The following KCND3 variants were observed in gnomAD, a reference collection of about 807,000 sequenced individuals.
The protein encoded by KCND3 is potassium voltage-gated channel subfamily D member 3, also known as A-type voltage-gated potassium channel KCND3.
In KCND3, 9 loss-of-function variants were observed where a neutral mutation model predicts 51.1. The observed-to-expected ratio is 0.18, with a 90% CI of 0.11 to 0.31. The LOEUF (loss-of-function observed/expected upper bound fraction) is 0.31. KCND3 is among the 10% of genes least tolerant of loss of function. KCND3 has a pLI of 1.00. For missense variants in KCND3, 526 were observed against 903.8 expected, an observed-to-expected ratio of 0.58 and a Z score of 5.36; for synonymous variants, 349 against 368.0, an observed-to-expected ratio of 0.95 and a Z score of 0.59.
At chr1:111,910,861 A>C (rs943399545) in intron 2 of KCND3, 3 of 152,244 alleles carry the variant, frequency 2.0e-5, no homozygotes, top group Admixed American at 2.0e-4. Flanking sequence ...ACAGAAAGAA[A>C]GGGAATGAGA....
At chr1:111,832,963 G>T (rs1257270360) in intron 2 of KCND3, among the ~76,000 whole-genome samples, 1 of 152,218 alleles carries the variant, frequency 6.6e-6, no homozygotes. Context: ...AGTTTCAGGG[G>T]CAGGTGGGAA....
intron 2 of KCND3, among the ~76,000 whole-genome samples, chr1:111,889,860 C>G (rs1669748444): frequency 6.6e-6 from 1 of 152,112 alleles, no homozygotes; most frequent in South Asian, 2.1e-4. Context: ...AGGGTAGCTT[C>G]CTTCAGGGGT....
chr1:111,809,709 G>A lies in KCND3; in HGVS notation c.1107-22603C>T, dbSNP rs142108655. 4.5e-3 allele frequency among the ~76,000 whole-genome samples: 678 copies of A among 152,306 alleles called. 3 individuals carry two copies. Among genetic ancestry groups the A allele is most frequent in the Middle Eastern group, 0.031 (9 of 294 alleles). On this transcript the variant is annotated intron_variant, in intron 2 of 7. Coordinates refer to ENST00000302127, the MANE Select transcript of KCND3 (RefSeq NM_001378969.1). The stretch of plus-strand genomic sequence containing the variant: ...TGTGCACGCCTGCAAATGCTTGCAT[G>A]CATGCACCAACCCACTCATTTGATC...
chr1:111,814,431 T>G (rs554036274), intron 2 of KCND3, among the ~76,000 whole-genome samples: 1 of 152,320 alleles, frequency 6.6e-6, no homozygotes, highest in Non-Finnish European at 1.5e-5. Context: ...GAGAATCCAC[T>G]ATAAGTAACA....
intron 2 of KCND3, among the ~76,000 whole-genome samples, chr1:111,857,561 C>G (rs1316184392): frequency 6.6e-6 from 1 of 152,074 alleles, no homozygotes; most frequent in African/African-American, 2.4e-5. Context: ...GTGATTGTTG[C>G]CTCCTCAGCA....
chr1:111,778,606 A>T (rs1278537187), intron 5 of KCND3, 114 bp from the exon 6 acceptor site: 3 of 993,286 alleles, frequency 3.0e-6, no homozygotes, highest in Non-Finnish European at 4.8e-6. Context: ...CCTTTGAGTC[A>T]AACATTCCAC....
intron 2 of KCND3, among the ~76,000 whole-genome samples, chr1:111,852,573 T>G (rs1667870493): frequency 6.6e-6 from 1 of 152,100 alleles, no homozygotes; most frequent in African/African-American, 2.4e-5. Flanking sequence ...ATCGAATCCA[T>G]AATCCAGACA....
At position 111,780,010 on chromosome 1, in the gene KCND3, T is replaced by C. The variant is rs551328437; in HGVS notation, c.1461+215A>G. Among the ~76,000 whole-genome samples the C allele has an allele frequency of 6.6e-6, 1 of 152,342 alleles. No individual in the cohort carries two copies. Among genetic ancestry groups the C allele is most frequent in the East Asian group, 1.9e-4 (1 of 5,182 alleles). ...GTGGGAGGCTGGGGGAATGGCCTCC[T>C]CAATGCTCCTGCAGGACAGAGCTGG... On this transcript the variant is annotated intron_variant, in intron 5 of 7. Coordinates refer to ENST00000302127, the MANE Select transcript of KCND3 (RefSeq NM_001378969.1). This position sits in a 1 kb window ranked among gnomAD's most constrained non-coding sequence, Gnocchi z 4.2.
chr1:111,812,331 GAAATGCAA>G (rs1364358319), intron 2 of KCND3, among the ~76,000 whole-genome samples: 1 of 152,148 alleles, frequency 6.6e-6, no homozygotes. Context: ...GGAATTAGGG[GAAATGCAA>G]AAATGATGGT....
intron 2 of KCND3, among the ~76,000 whole-genome samples, chr1:111,976,298 T>G (rs1259973393): frequency 6.6e-6 from 1 of 152,074 alleles, no homozygotes; most frequent in Non-Finnish European, 1.5e-5. Context: ...GAGGCAAACT[T>G]CCCTTGCAAG....
At chr1:111,799,030 A>C (rs1665177411) in intron 2 of KCND3, among the ~76,000 whole-genome samples, 1 of 152,112 alleles carries the variant, frequency 6.6e-6, no homozygotes, top group African/African-American at 2.4e-5. Context: ...GGGAGATGGA[A>C]CCTTGGGCTA....
At chr1:111,978,530 G>C (rs1380915936) in intron 2 of KCND3, among the ~76,000 whole-genome samples, 1 of 152,172 alleles carries the variant, frequency 6.6e-6, no homozygotes, top group Non-Finnish European at 1.5e-5. Flanking sequence ...CCATGAATGT[G>C]GTCAGGACAG....
rs1322858602 is a variant in KCND3, at chr1:111,982,172, G to A, written c.555C>T (p.Phe185=). 6.2e-7 allele frequency: 1 copy of A among 1,614,090 alleles called. No individual in the cohort carries two copies. The highest frequency in any genetic ancestry group is 2.2e-5 in the East Asian group (1 of 44,812). ...CGATGAAGAAGCCAGTCACGTAGTA[G>A]AAGACCAGGGCCAGCGTGCTGGTGT... The part of the protein sequence containing the change: ...NPHTSTLALV[F]YYVTGFFIAV... The change falls in exon 2 of 8, where the codon TTC becomes TTT. Residue 185 remains phenylalanine (F), a synonymous_variant. Transcript: ENST00000302127. This position sits in a 1 kb window ranked among gnomAD's most constrained non-coding sequence, Gnocchi z 8.5.
chr1:111,821,946 G>A (rs1366080906), intron 2 of KCND3, among the ~76,000 whole-genome samples: 7 of 152,132 alleles, frequency 4.6e-5, no homozygotes, highest in Non-Finnish European at 8.8e-5. Context: ...TGTGAGTAAT[G>A]GGGGCTCTTT....
At chr1:111,893,049 T>C (rs1251510539) in intron 2 of KCND3, among the ~76,000 whole-genome samples, 1 of 152,254 alleles carries the variant, frequency 6.6e-6, no homozygotes, top group East Asian at 1.9e-4. Context: ...TGTCAACAGA[T>C]GCTTATTGAG....
chr1:111,880,912 G>C (rs1006502855), intron 2 of KCND3, among the ~76,000 whole-genome samples: 1 of 152,004 alleles, frequency 6.6e-6, no homozygotes, highest in Non-Finnish European at 1.5e-5. Flanking sequence ...CTCTCGGTCC[G>C]TCCCAGCCCC....
chr1:111,982,105 C>G lies in KCND3; in HGVS notation c.622G>C (p.Gly208Arg). The change falls in exon 2 of 8, where the codon GGC becomes CGC. Residue 208 changes from glycine to arginine, a missense_variant. This residue lies in a region of KCND3 where 51 missense variants were observed against 84.7 expected (regional missense o/e 0.60). Coordinates refer to ENST00000302127, the MANE Select transcript of KCND3 (RefSeq NM_001378969.1). This position sits in a 1 kb window ranked among gnomAD's most constrained non-coding sequence, Gnocchi z 8.5. ...ITNVVETVPC[G>R]TVPGSKELPC... ...AGCTCCTTGCTGCCCGGGACCGTGC[C>G]GCACGGCACCGTCTCCACCACGTTG... 1 of 1,613,774 alleles carries G rather than the reference C, an allele frequency of 6.2e-7. No homozygotes were observed. The highest frequency in any genetic ancestry group is 1.1e-5 in the South Asian group (1 of 91,052).
intron 2 of KCND3, chr1:111,910,076 T>C (rs1018407259): frequency 6.6e-6 from 1 of 152,190 alleles, no homozygotes; most frequent in Non-Finnish European, 1.5e-5. Context: ...CCTTTTGCCA[T>C]AAGAAACTCC....
At chr1:111,821,079 C>T (rs77575350) in intron 2 of KCND3, among the ~76,000 whole-genome samples, 2,747 of 152,296 alleles carry the variant, frequency 0.018, 74 homozygotes, top group African/African-American at 0.061. Flanking sequence ...CCCTAAGACA[C>T]GAGTATGCTC....
Sources: allele counts gnomAD v4.1 joint callset (sites outside exome capture counted in the v4.1 genomes callset), GRCh38; gene constraint gnomAD v4.1.1; regional missense constraint gnomAD v4.1.1; non-coding constraint Gnocchi (gnomAD v3.1); transcripts MANE v1.5; gene names NCBI Gene and HGNC (gene_info 2026-07-23, HGNC 2026-07-21).